LYPD5: variants seen among roughly 807,000 people sequenced by gnomAD.
The protein encoded by LYPD5 is ly6/PLAUR domain-containing protein 5.
A neutral mutation model predicts 19.1 loss-of-function variants in LYPD5; 21 were observed. That is an observed-to-expected ratio of 1.10 (90% confidence interval 0.78 to 1.58). The LOEUF (loss-of-function observed/expected upper bound fraction) is 1.58. Ranked by LOEUF, LYPD5 falls within the 40% of genes most tolerant of loss-of-function variation. LYPD5 has a pLI of 0.00. For missense variants in LYPD5, 287 were observed against 329.8 expected, an observed-to-expected ratio of 0.87 and a Z score of 1.00; for synonymous variants, 128 against 142.7, an observed-to-expected ratio of 0.90 and a Z score of 0.74.
chr19:43,800,488 A>C (rs8112656), intron 1 of LYPD5, among the ~76,000 whole-genome samples: 19,228 of 152,212 alleles, frequency 0.13, 1,507 homozygotes, highest in Non-Finnish European at 0.17. Flanking sequence ...CACAAAGCGT[A>C]TGTCTGTGAG....
At chr19:43,811,014 G>T (rs1300465154) in intron 1 of LYPD5, among the ~76,000 whole-genome samples, 2 of 152,154 alleles carry the variant, frequency 1.3e-5, no homozygotes, top group Admixed American at 6.5e-5. Context: ...GGCAGCATTT[G>T]TGTAGTTTCT....
chr19:43,797,744 G>T lies in LYPD5; in HGVS notation c.603C>A (p.Ile201=), dbSNP rs139902718. 24 of 1,613,930 alleles carry T rather than the reference G, an allele frequency of 1.5e-5. No individual in the cohort carries two copies. In the African/African-American group the frequency reaches 2.9e-4, roughly 20 times the overall value. The change falls in exon 5 of 5, where the codon ATC becomes ATA. Residue 201 remains isoleucine, a synonymous_variant. Coordinates refer to ENST00000377950, the MANE Select transcript of LYPD5 (RefSeq NM_001031749.3). ...CCTCACAGCAGGAGCCCTGGAGGTC[G>T]ATGGCTGTCCAGGGGCTGGTGGTGC... ...TEGTTSPWTA[I]DLQGSCCEGY...
intron 1 of LYPD5, among the ~76,000 whole-genome samples, chr19:43,812,285 C>A (rs1205179994): frequency 1.3e-5 from 2 of 152,082 alleles, no homozygotes; most frequent in Admixed American, 6.5e-5. Flanking sequence ...TGCAGAAGGA[C>A]ACTAACAAAA....
intron 1 of LYPD5, among the ~76,000 whole-genome samples, chr19:43,819,445 C>T (rs10408903): frequency 0.093 from 14,146 of 151,900 alleles, 809 homozygotes; most frequent in Non-Finnish European, 0.13. Flanking sequence ...TTAGTTCTAG[C>T]GGGTTACAGT....
At position 43,797,790 on chromosome 19, in the gene LYPD5, C is replaced by G; in HGVS notation, c.557G>C (p.Arg186Pro). ...GGTGCCCTCGGTGGTGCAGGAGGGC[C>G]GGTGGCAGGTTCTGATGTACACAGG... The part of the protein sequence containing the change: ...SVPVYIRTCH[R>P]PSCTTEGTTS... The change falls in exon 5 of 5, where the codon CGG becomes CCG. Residue 186 changes from arginine to proline, a missense_variant. Physicochemically the swap from Arg to Pro is moderately radical, Grantham distance 103 (BLOSUM62 -2). Transcript: ENST00000377950. 1.9e-6 allele frequency: 3 copies of G among 1,613,614 alleles called. No individual in the cohort carries two copies. Among genetic ancestry groups the G allele is most frequent in the Non-Finnish European group, 1.7e-6 (2 of 1,179,828 alleles).
At chr19:43,811,535 A>T (rs956364965) in intron 1 of LYPD5, among the ~76,000 whole-genome samples, 1 of 152,078 alleles carries the variant, frequency 6.6e-6, no homozygotes, top group Non-Finnish European at 1.5e-5. Flanking sequence ...AAAATACAAA[A>T]ATTAGCCTGA....
At chr19:43,811,515 GTC>G (rs1970323292) in intron 1 of LYPD5, among the ~76,000 whole-genome samples, 1 of 152,226 alleles carries the variant, frequency 6.6e-6, no homozygotes, top group East Asian at 1.9e-4. Context: ...GCGAAACTCT[GTC>G]TCTACTAAAA....
At position 43,796,287 on chromosome 19, in the gene LYPD5, G is replaced by T. The variant is rs1015401761; in HGVS notation, c.*1304C>A. 6.6e-6 allele frequency: 1 copy of T among 152,040 alleles called. No individual in the cohort carries two copies. Among genetic ancestry groups the T allele is most frequent in the Non-Finnish European group, 1.5e-5 (1 of 68,002 alleles). 9.4% of individuals were successfully genotyped at this position (152,040 alleles called of 1,614,324 possible). ...GCTTCTCTCACTGAGTTGCTGGAAA[G>T]ATCAAGTGGCAAAAAGCATGTGAAA... On this transcript the variant is annotated 3_prime_UTR_variant, in exon 5 of 5. Coordinates refer to ENST00000377950, the MANE Select transcript of LYPD5 (RefSeq NM_001031749.3).
chr19:43,811,397 G>C (rs1218551459), intron 1 of LYPD5, among the ~76,000 whole-genome samples: 4 of 152,066 alleles, frequency 2.6e-5, no homozygotes, highest in African/African-American at 9.7e-5. Context: ...TGAAAAATTA[G>C]CTCATCAGCT....
chr19:43,813,686 T>C (rs768563582), intron 1 of LYPD5, among the ~76,000 whole-genome samples: 5 of 152,190 alleles, frequency 3.3e-5, no homozygotes, highest in African/African-American at 9.7e-5. Flanking sequence ...TTTATTTGTG[T>C]ATTTATGTAT....
At chr19:43,813,939 C>T (rs567344705) in intron 1 of LYPD5, among the ~76,000 whole-genome samples, 10 of 152,306 alleles carry the variant, frequency 6.6e-5, no homozygotes, top group South Asian at 2.1e-4. Context: ...TTGCCTGCAA[C>T]GGCCTCCCAA....
intron 1 of LYPD5, among the ~76,000 whole-genome samples, chr19:43,808,086 T>C (rs545925526): frequency 6.6e-6 from 1 of 152,378 alleles, no homozygotes; most frequent in Non-Finnish European, 1.5e-5. Flanking sequence ...ACTACTTTTC[T>C]GTCTACCGTT....
At chr19:43,804,496 A>G (rs931707310), upstream of LYPD5, among the ~76,000 whole-genome samples, 10 of 152,082 alleles carry the variant, frequency 6.6e-5, no homozygotes, top group Admixed American at 1.3e-4. Flanking sequence ...CCACCCTAGC[A>G]TATTTGTTTC....
chr19:43,805,723 G>T (rs1970265529), upstream of LYPD5, among the ~76,000 whole-genome samples: 1 of 152,134 alleles, frequency 6.6e-6, no homozygotes, highest in Admixed American at 6.5e-5. Flanking sequence ...GGCCAGGCTG[G>T]TCTCAAACTC....
chr19:43,815,714 A>T, intron 1 of LYPD5: 1 of 402,700 alleles, frequency 2.5e-6, no homozygotes, highest in African/African-American at 2.1e-5. Flanking sequence ...ACACATCTAT[A>T]TATACCCATC....
In LYPD5 at chr19:43,809,522, C is replaced by T. The variant is rs144775204; in HGVS notation, c.-65-9688G>A. On this transcript the variant is annotated intron_variant, in intron 1 of 4. Coordinates refer to the LYPD5 transcript ENST00000414615. ...CAGCCTCTGTAACTGGGATTACAGGCGACTGCCACCACGCCCGGCTCATTC... is the reference window on the plus strand; with the variant it reads ...CAGCCTCTGTAACTGGGATTACAGGTGACTGCCACCACGCCCGGCTCATTC... 7.3e-3 allele frequency among the ~76,000 whole-genome samples: 1,116 copies of T among 152,238 alleles called. 9 individuals carry two copies. Among genetic ancestry groups the T allele is most frequent in the South Asian group, 0.029 (142 of 4,828 alleles).
At chr19:43,802,196 T>G (rs563497925) in intron 1 of LYPD5, 121 bp downstream of exon 1, 3 of 392,802 alleles carry the variant, frequency 7.6e-6, no homozygotes, top group East Asian at 5.2e-5. Context: ...ACCCAGGAGA[T>G]CAGGCCCCCA....
At chr19:43,819,607 T>C (rs72626208) in intron 1 of LYPD5, among the ~76,000 whole-genome samples, 23,337 of 151,818 alleles carry the variant, frequency 0.15, 1,975 homozygotes, top group East Asian at 0.25. Flanking sequence ...TAGACCCCCG[T>C]TGGAAAAAAG....
intron 1 of LYPD5, 76 bp downstream of exon 1, chr19:43,802,241 C>T: frequency 2.1e-6 from 1 of 485,558 alleles, no homozygotes; most frequent in Non-Finnish European, 3.2e-6. Context: ...GTCCAGGCCC[C>T]CAGTCTCTCC....
Sources: gnomAD v4.1 joint callset for allele counts (sites outside exome capture counted in the v4.1 genomes callset) on GRCh38, gnomAD v4.1.1 for gene constraint, MANE v1.5 for transcripts, NCBI Gene and HGNC (gene_info 2026-07-23, HGNC 2026-07-21) for gene names.